The following SLAMF1 variants were observed in gnomAD, a reference collection of about 807,000 sequenced individuals.
The protein encoded by SLAMF1 is signaling lymphocytic activation molecule family member 1.
A neutral mutation model predicts 35.1 loss-of-function variants in SLAMF1; 18 were observed. The observed-to-expected ratio is 0.51, with a 90% CI of 0.35 to 0.76. The LOEUF is 0.76. Among genes scored for constraint, SLAMF1 ranks in the 30% least tolerant of loss-of-function variants. The pLI, the probability that SLAMF1 is intolerant of heterozygous loss-of-function variation, is 0.01. For synonymous variants in SLAMF1, 168 were observed against 157.2 expected (o/e 1.07, Z -0.51); for missense variants, 392 against 413.0 (o/e 0.95, Z 0.44).
rs764824187 is a variant in SLAMF1 at position 160,624,133 on chromosome 1, A to G, written c.753T>C (p.Ile251=). 3.1e-6 allele frequency: 5 copies of G among 1,610,528 alleles called. No homozygotes were observed. Among genetic ancestry groups the G allele is most frequent in the Non-Finnish European group, 4.2e-6 (5 of 1,178,324 alleles). ...YAGLLGGVIM[I]LIMVVILQLR... is the part of the protein sequence containing the mutation. ...ACTGTAGTATTACCACCATGATGAG[A>G]ATCATGATGACACCCCCTAACAGCC... Residue 251 remains isoleucine, a synonymous_variant, in exon 4 of 7, where the codon ATT becomes ATC. Coordinates refer to ENST00000302035, the MANE Select transcript of SLAMF1 (RefSeq NM_003037.5).
chr1:160,623,562 A>G (rs1391304794), intron 4 of SLAMF1: 1 of 398,918 alleles, frequency 2.5e-6, no homozygotes, highest in East Asian at 3.6e-5. Context: ...TGACTCCAGT[A>G]TTGGTTGGTA....
rs1658869304 is a variant in SLAMF1 at position 160,609,541 on chromosome 1, T to C, written c.*1207A>G. The C allele has an allele frequency of 6.6e-6, 1 of 152,192 alleles. No homozygotes were observed. Among genetic ancestry groups the C allele is most frequent in the African/African-American group, 2.4e-5 (1 of 41,440 alleles). 9.4% of individuals were successfully genotyped at this position (152,192 alleles called of 1,614,324 possible). A position where few individuals can be genotyped will look rare whatever the true frequency, so the allele number is the denominator to read the frequency against. The stretch of plus-strand genomic sequence containing the variant: ...CAATGGTATGATAGTGGCTGTTTCT[T>C]ACAGTACTTACCAAGTTTATATAAG... On this transcript the variant is annotated 3_prime_UTR_variant, in exon 7 of 7. Coordinates refer to ENST00000302035, the MANE Select transcript of SLAMF1 (RefSeq NM_003037.5).
At position 160,610,673 on chromosome 1, in the gene SLAMF1, G is replaced by T. The variant is rs1658932294; in HGVS notation, c.*75C>A. ...AGCATGTCTGCCAGAGGAAACTTGG[G>T]GCCTGTGGCCAAGTTCAGTGTTCAT... On this transcript the variant is annotated 3_prime_UTR_variant, in exon 7 of 7. Transcript: ENST00000302035. The T allele has an allele frequency of 1.9e-6, 2 of 1,071,356 alleles. No individual in the cohort carries two copies. The highest frequency in any genetic ancestry group is 3.1e-5 in the African/African-American group (2 of 64,330). 66.4% of individuals were successfully genotyped at this position (1,071,356 alleles called of 1,614,324 possible).
In SLAMF1 at chr1:160,610,326, C is replaced by A. The variant is rs751914817; in HGVS notation, c.*422G>T. ...AGCTCCCAGAACAAAGTAAAGATAGCCAAAATGTAAACTTTTCCAGACTTT... is the reference window on the plus strand; with the variant it reads ...AGCTCCCAGAACAAAGTAAAGATAGACAAAATGTAAACTTTTCCAGACTTT... On this transcript the variant is annotated 3_prime_UTR_variant, in exon 7 of 7. Transcript: ENST00000302035. 4.6e-5 allele frequency: 21 copies of A among 457,500 alleles called. No individual in the cohort carries two copies. The highest frequency in any genetic ancestry group is 7.0e-5 in the Non-Finnish European group (16 of 227,590). The allele number at this position is 457,500 out of a possible 1,614,324, so 28.3% of individuals were successfully genotyped here.
chr1:160,634,885 G>A lies in SLAMF1; in HGVS notation c.428C>T (p.Thr143Ile). 1 of 1,611,284 alleles carries A rather than the reference G, an allele frequency of 6.2e-7. No homozygotes were observed. Among genetic ancestry groups the A allele is most frequent in the South Asian group, 1.1e-5 (1 of 90,992 alleles). ...LQLRLYEQVS[T>I]PEIKVLNKTQ... ...CTTGTTTAAAACTTTAATTTCTGGA[G>A]TGGAGACCTGCTCTGTCAGGAGTGG... The change falls in exon 3 of 7, where the codon ACT becomes ATT. Residue 143 changes from threonine (T) to isoleucine (I), a missense_variant. By Grantham distance (89) the Thr-to-Ile change is moderately conservative (BLOSUM62 -1). Coordinates refer to ENST00000302035, the MANE Select transcript of SLAMF1 (RefSeq NM_003037.5).
At chr1:160,615,228 T>C (rs1659226851) in intron 5 of SLAMF1, among the ~76,000 whole-genome samples, 2 of 151,998 alleles carry the variant, frequency 1.3e-5, no homozygotes, top group Non-Finnish European at 2.9e-5. Flanking sequence ...TATATATTTA[T>C]ATATATAAAA....
At chr1:160,624,052 C>A (rs1468957805) in intron 4 of SLAMF1, 44 bp downstream of exon 4, 1 of 1,378,706 alleles carries the variant, frequency 7.3e-7, no homozygotes, top group Non-Finnish European at 1.0e-6. Flanking sequence ...CCCCTGCTTA[C>A]CACAGAGAGT....
intron 1 of SLAMF1, among the ~76,000 whole-genome samples, chr1:160,645,681 C>T (rs902872302): frequency 4.6e-5 from 7 of 152,146 alleles, no homozygotes; most frequent in Non-Finnish European, 7.3e-5. Context: ...TAAAGTGGCT[C>T]GATTTGGTTT....
At position 160,626,893 on chromosome 1, in the gene SLAMF1, C is replaced by T. The variant is rs74987899; in HGVS notation, c.701-2708G>A. On this transcript the variant is annotated intron_variant, in intron 3 of 6. Coordinates refer to ENST00000302035, the MANE Select transcript of SLAMF1 (RefSeq NM_003037.5). ...GCTGCACCCTAAGCTGTCCACCATG[C>T]CTGCCTAGCCTTGATGCCCAGGCCA... Among the ~76,000 whole-genome samples, 835 of 152,318 alleles carry T rather than the reference C, an allele frequency of 5.5e-3. 5 individuals carry two copies. The highest frequency in any genetic ancestry group is 0.02 in the African/African-American group (812 of 41,574).
rs991517075 is a variant in SLAMF1 at position 160,646,909 on chromosome 1, G to A, written c.37C>T (p.Leu13=). The A allele has an allele frequency of 6.2e-7, 1 of 1,608,732 alleles. No individual in the cohort carries two copies. ...GCCCCAAAAGCCAGGGAGAGAAACA[G>A]CACGAAGGTCAAGGAGAGGAGCCCC... ...PKGLLSLTFV[L]FLSLAFGASY... The change falls in exon 1 of 7, where the codon CTG becomes TTG. Residue 13 remains leucine (L), a synonymous_variant. Transcript: ENST00000302035.
intron 3 of SLAMF1, among the ~76,000 whole-genome samples, chr1:160,625,630 C>G (rs1250395927): frequency 6.6e-6 from 1 of 152,080 alleles, no homozygotes; most frequent in Non-Finnish European, 1.5e-5. Context: ...GGTTCTATCC[C>G]CTAAATTAAA....
intron 2 of SLAMF1, 39 bp downstream of exon 2, chr1:160,637,152 T>C: frequency 7.0e-7 from 1 of 1,432,440 alleles, no homozygotes; most frequent in Non-Finnish European, 9.9e-7. Flanking sequence ...AGGAGCACCT[T>C]GGCCCTTTAG....
rs1166944669 is a variant in SLAMF1 at position 160,610,468 on chromosome 1, T to C, written c.*280A>G. The stretch of plus-strand genomic sequence containing the variant: ...CCCAAAGTCTGAACTCACATTACTG[T>C]CCATTTCATCTGCTACAACACAAAG... On this transcript the variant is annotated 3_prime_UTR_variant, in exon 7 of 7. Coordinates refer to ENST00000302035, the MANE Select transcript of SLAMF1 (RefSeq NM_003037.5). 2 of 509,702 alleles carry C rather than the reference T, an allele frequency of 3.9e-6. No individual in the cohort carries two copies. The highest frequency in any genetic ancestry group is 2.5e-5 in the Admixed American group (1 of 39,662). The allele number at this position is 509,702 out of a possible 1,614,324, so 31.6% of individuals were successfully genotyped here.
intron 1 of SLAMF1, among the ~76,000 whole-genome samples, chr1:160,644,147 T>C (rs553717391): frequency 6.6e-6 from 1 of 152,362 alleles, no homozygotes; most frequent in African/African-American, 2.4e-5. Context: ...TTTGGACATT[T>C]CTATACTTCA....
intron 3 of SLAMF1, among the ~76,000 whole-genome samples, chr1:160,633,620 G>A (rs559101438): frequency 8.7e-4 from 133 of 152,330 alleles, no homozygotes; most frequent in African/African-American, 3.1e-3. Flanking sequence ...GCAATGCCTT[G>A]CAGAGCAACA....
Position 160,619,842 on chromosome 1 carries a change from C to T in SLAMF1, c.798G>A (p.Thr266=), listed in dbSNP as rs773246801. Residue 266 remains threonine (T), a synonymous_variant, in exon 5 of 7, where the codon ACG becomes ACA. Transcript: ENST00000302035. The stretch of plus-strand genomic sequence containing the variant: ...TTTCCACTGTTGTCTGGTAATGGTT[C>T]GTTTTACCTGGTGAAAAGAAACCAT... ...VILQLRRRGK[T]NHYQTTVEKK... 2 of 1,609,910 alleles carry T rather than the reference C, an allele frequency of 1.2e-6. No individual in the cohort carries two copies. Among genetic ancestry groups the T allele is most frequent in the Non-Finnish European group, 1.7e-6 (2 of 1,176,306 alleles).
Position 160,610,427 on chromosome 1 carries a change from A to T in SLAMF1, c.*321T>A, listed in dbSNP as rs1190418950. On this transcript the variant is annotated 3_prime_UTR_variant, in exon 7 of 7. Coordinates refer to ENST00000302035, the MANE Select transcript of SLAMF1 (RefSeq NM_003037.5). The stretch of plus-strand genomic sequence containing the variant: ...AGTCTGATTTTTATTATCCAGTTCC[A>T]GCCAAGAGCAAGATGCCCAAAGTCT... The T allele has an allele frequency of 1.2e-5, 6 of 481,974 alleles. No homozygotes were observed. Among genetic ancestry groups the T allele is most frequent in the Non-Finnish European group, 2.0e-5 (5 of 245,518 alleles). 29.9% of individuals were successfully genotyped at this position (481,974 alleles called of 1,614,324 possible).
At chr1:160,627,923 C>T (rs891588086) in intron 3 of SLAMF1, among the ~76,000 whole-genome samples, 1 of 152,088 alleles carries the variant, frequency 6.6e-6, no homozygotes, top group African/African-American at 2.4e-5. Flanking sequence ...GGTGGTTTCC[C>T]CCATGTTGTT....
At chr1:160,633,573 C>T (rs1570998811) in intron 3 of SLAMF1, among the ~76,000 whole-genome samples, 2 of 152,172 alleles carry the variant, frequency 1.3e-5, no homozygotes, top group Admixed American at 1.3e-4. Flanking sequence ...TCCTATGTCC[C>T]CCCAGTGGAT....
Sources: gnomAD v4.1 joint callset for allele counts (sites outside exome capture counted in the v4.1 genomes callset) on GRCh38, gnomAD v4.1.1 for gene constraint, MANE v1.5 for transcripts, NCBI Gene and HGNC (gene_info 2026-07-23, HGNC 2026-07-21) for gene names.